Variants in RASEF observed in about 807,000 individuals in gnomAD.
RASEF encodes RAS and EF-hand domain containing.
A neutral mutation model predicts 90.1 loss-of-function variants in RASEF; 68 were observed. The observed-to-expected ratio is 0.75, with a 90% CI of 0.62 to 0.92. The LOEUF is 0.92. Ranked by LOEUF, RASEF falls within the 40% of genes least tolerant of loss-of-function variation. The pLI, the probability that RASEF is intolerant of heterozygous loss-of-function variation, is 0.00. For missense variants in RASEF, 949 were observed against 937.2 expected (o/e 1.01, Z -0.16); for synonymous variants, 331 against 345.2 (o/e 0.96, Z 0.46).
Position 83,062,642 on chromosome 9 carries a change from G to A in RASEF, c.226C>T (p.Arg76Cys). The A allele has an allele frequency of 1.3e-6, 2 of 1,556,728 alleles. No individual in the cohort carries two copies. Among genetic ancestry groups the A allele is most frequent in the Non-Finnish European group, 1.7e-6 (2 of 1,157,660 alleles). Residue 76 changes from arginine to cysteine, a missense_variant, in exon 1 of 17, where the codon CGC (arginine) becomes TGC (cysteine). Arg to Cys is a radical substitution (Grantham distance 180). This residue lies in a region of RASEF where 656 missense variants were observed against 592.2 expected (regional missense o/e 1.11). Transcript: ENST00000376447. ...CCCCAGTCCCGGCGCCGCCCCCCGCGGAGGGACCCGAGGAAGCCACGCGCG... is the reference window on the plus strand; with the variant it reads ...CCCCAGTCCCGGCGCCGCCCCCCGCAGAGGGACCCGAGGAAGCCACGCGCG... ...EFARGFLGSLRGGRRRDWGPL... is the reference protein window; with the variant it reads ...EFARGFLGSLCGGRRRDWGPL...
At chr9:83,091,323 G>A in the RASEF span, among the ~76,000 whole-genome samples, 2 of 152,304 alleles carry the variant, frequency 1.3e-5, no homozygotes, top group African/African-American at 4.8e-5. Flanking sequence ...GAAGGCAGAG[G>A]CAGGTGGATC....
chr9:83,135,252 A>G, the RASEF span, among the ~76,000 whole-genome samples: 1 of 152,140 alleles, frequency 6.6e-6, no homozygotes, highest in Non-Finnish European at 1.5e-5. Flanking sequence ...CAAAGACAAA[A>G]AACCAAACAC....
At chr9:83,079,484 C>T in the RASEF span, among the ~76,000 whole-genome samples, 84 of 152,208 alleles carry the variant, frequency 5.5e-4, 1 homozygote, top group South Asian at 0.016. Flanking sequence ...ATACCACACA[C>T]TTAACCAGAA....
chr9:83,043,969 A>C (rs1220723758), intron 1 of RASEF, among the ~76,000 whole-genome samples: 1 of 152,126 alleles, frequency 6.6e-6, no homozygotes, highest in Non-Finnish European at 1.5e-5. Flanking sequence ...GGAACGGAAT[A>C]ATGAATCTAG....
chr9:83,036,563 C>T (rs78086553), intron 1 of RASEF, among the ~76,000 whole-genome samples: 4,484 of 152,200 alleles, frequency 0.029, 196 homozygotes, highest in African/African-American at 0.1. Flanking sequence ...TTTTACATTT[C>T]GCAGTAAACT....
At chr9:83,019,739 G>C (rs1188110952) in intron 3 of RASEF, among the ~76,000 whole-genome samples, 1 of 152,142 alleles carries the variant, frequency 6.6e-6, no homozygotes, top group Non-Finnish European at 1.5e-5. Context: ...AATACTACTT[G>C]GCAATGAAAA....
chr9:82,987,060 T>G (rs939903457), intron 16 of RASEF, among the ~76,000 whole-genome samples: 1 of 152,212 alleles, frequency 6.6e-6, no homozygotes, highest in African/African-American at 2.4e-5. Flanking sequence ...TTTTATGACA[T>G]TATATGATCT....
chr9:83,077,426 G>A, the RASEF span, among the ~76,000 whole-genome samples: 2 of 152,070 alleles, frequency 1.3e-5, no homozygotes, highest in South Asian at 2.1e-4. Flanking sequence ...TACTTTTTAC[G>A]AATAGTTTCT....
At chr9:83,123,740 G>C in the RASEF span, among the ~76,000 whole-genome samples, 1 of 152,178 alleles carries the variant, frequency 6.6e-6, no homozygotes, top group African/African-American at 2.4e-5. Context: ...CTCTTTAACT[G>C]ATCAGGCTTC....
upstream of RASEF, among the ~76,000 whole-genome samples, chr9:83,065,836 A>G (rs1830277933): frequency 6.6e-6 from 1 of 152,144 alleles, no homozygotes; most frequent in Non-Finnish European, 1.5e-5. Flanking sequence ...GTCTGATGAC[A>G]TTTTTGGCTG....
chr9:83,009,815 T>C (rs1414971426), intron 5 of RASEF, 59 bp from the exon 6 acceptor site: 1 of 1,009,504 alleles, frequency 9.9e-7, no homozygotes. Flanking sequence ...CTGGGAGAAA[T>C]GAAGTAAAGT....
the RASEF span, among the ~76,000 whole-genome samples, chr9:83,183,002 A>G: frequency 1.3e-5 from 2 of 152,168 alleles, no homozygotes; most frequent in African/African-American, 2.4e-5. Flanking sequence ...TTTATTGCCT[A>G]AGACCGGGGT....
chr9:83,190,240 A>C, the RASEF span, among the ~76,000 whole-genome samples: 24 of 152,226 alleles, frequency 1.6e-4, no homozygotes, highest in African/African-American at 5.5e-4. Flanking sequence ...CTGTTACACG[A>C]AGCATCTAAA....
the RASEF span, among the ~76,000 whole-genome samples, chr9:83,123,796 T>C: frequency 2.0e-5 from 3 of 152,240 alleles, no homozygotes; most frequent in African/African-American, 7.2e-5. Context: ...TTTTGTTTAT[T>C]GCAGTAACAT....
the RASEF span, among the ~76,000 whole-genome samples, chr9:83,107,621 C>T: frequency 1.6e-4 from 25 of 152,336 alleles, no homozygotes; most frequent in Non-Finnish European, 2.9e-4. Context: ...GCTAAATCAA[C>T]AGACATATTT....
chr9:82,996,588 C>T (rs993434822), intron 14 of RASEF, among the ~76,000 whole-genome samples: 11 of 152,242 alleles, frequency 7.2e-5, no homozygotes, highest in African/African-American at 2.6e-4. Flanking sequence ...CAATTTGAAA[C>T]TTGACGCACG....
rs1829332685 is a variant in RASEF, at chr9:83,015,798, T to C, written c.765+7A>G. On this transcript the variant is annotated splice_region_variant and intron_variant, in intron 4 of 16. Transcript: ENST00000376447. ...TGTTCCTACAAGTCCAGCTGCCACATGCCTACCTTTCTTAGCTTTTTAATG... is the reference window on the plus strand; with the variant it reads ...TGTTCCTACAAGTCCAGCTGCCACACGCCTACCTTTCTTAGCTTTTTAATG... The C allele has an allele frequency of 4.4e-6, 7 of 1,606,530 alleles. No individual in the cohort carries two copies. The highest frequency in any genetic ancestry group is 2.7e-5 in the African/African-American group (2 of 74,916).
At chr9:82,982,832 AGGAT>A in intron 16 of RASEF, 50 bp from the exon 17 acceptor site, 1 of 998,066 alleles carries the variant, frequency 1.0e-6, no homozygotes, top group Non-Finnish European at 1.6e-6. Context: ...AGAGAGAGAG[AGGAT>A]TACTGAGGTA....
the RASEF span, among the ~76,000 whole-genome samples, chr9:83,092,045 T>C: frequency 6.7e-6 from 1 of 148,228 alleles, no homozygotes; most frequent in Non-Finnish European, 1.5e-5. Flanking sequence ...ATTTATCTTG[T>C]TTTTTGCATA....
Sources: allele counts gnomAD v4.1 joint callset (sites outside exome capture counted in the v4.1 genomes callset), GRCh38; gene constraint gnomAD v4.1.1; regional missense constraint gnomAD v4.1.1; transcripts MANE v1.5; gene names NCBI Gene and HGNC (gene_info 2026-07-23, HGNC 2026-07-21).